Variants in MYO18B observed in about 807,000 individuals in gnomAD.
MYO18B encodes unconventional myosin-XVIIIb.
Under a neutral mutation model 273.0 loss-of-function variants are expected in MYO18B, and 204 were observed. The ratio of observed to expected loss-of-function variants is 0.75; its 90% CI spans 0.67 to 0.84. The LOEUF (loss-of-function observed/expected upper bound fraction) is 0.84. Ranked by LOEUF, MYO18B falls within the 40% of genes least tolerant of loss-of-function variation. The pLI, the probability that MYO18B is intolerant of heterozygous loss-of-function variation, is 0.00. For synonymous variants in MYO18B, 1,330 were observed against 1,305.7 expected (o/e 1.02, Z -0.40); for missense variants, 3,212 against 3,287.6 (o/e 0.98, Z 0.56).
chr22:25,776,145 A>G (rs2086906757), intron 7 of MYO18B, among the ~76,000 whole-genome samples: 3 of 152,214 alleles, frequency 2.0e-5, no homozygotes, highest in Admixed American at 2.0e-4. Flanking sequence ...TATGGTATGT[A>G]ACCTTTTGAA....
chr22:25,891,256 C>T lies in MYO18B; in HGVS notation c.4435-48C>T, dbSNP rs755517898. The T allele has an allele frequency of 5.2e-5, 70 of 1,350,436 alleles. 1 individual carries two copies. The South Asian group carries it at 6.3e-4, about 12-fold the overall frequency. The allele number at this position is 1,350,436 out of a possible 1,614,324, so 83.7% of individuals were successfully genotyped here. A position where few individuals can be genotyped will look rare whatever the true frequency, so the allele number is the denominator to read the frequency against. On this transcript the variant is annotated intron_variant, in intron 26 of 43. Transcript: ENST00000335473. ...CACTTCATGGGTAAGATGACCAGCC[C>T]ATGTCTTCTGTCCAGCTCTAGTTTA...
intron 34 of MYO18B, among the ~76,000 whole-genome samples, chr22:25,921,952 G>T (rs192251986): frequency 6.6e-6 from 1 of 151,880 alleles, no homozygotes; most frequent in Non-Finnish European, 1.5e-5. Context: ...TTATACAAAC[G>T]TTGGCAGTTT....
chr22:25,891,495 T>C, intron 27 of MYO18B, 83 bp downstream of exon 27: 1 of 896,200 alleles, frequency 1.1e-6, no homozygotes, highest in Non-Finnish European at 1.8e-6. Context: ...TAGAGCACTT[T>C]TTAGGTGCTA....
At chr22:25,889,928 G>GTA (rs1172198521) in intron 25 of MYO18B, among the ~76,000 whole-genome samples, 1 of 152,048 alleles carries the variant, frequency 6.6e-6, no homozygotes, top group African/African-American at 2.4e-5. Flanking sequence ...ATATACAACC[G>GTA]TATGATTTCC....
At chr22:25,796,455 G>T (rs546783868) in intron 11 of MYO18B, among the ~76,000 whole-genome samples, 3 of 152,042 alleles carry the variant, frequency 2.0e-5, no homozygotes, top group Admixed American at 2.0e-4. Flanking sequence ...AATCATCTGG[G>T]CATGGCAGTG....
At chr22:25,842,207 A>G (rs984357746) in intron 17 of MYO18B, among the ~76,000 whole-genome samples, 1 of 152,248 alleles carries the variant, frequency 6.6e-6, no homozygotes. Flanking sequence ...CAAGAAATGC[A>G]GGTCCTTTGT....
At chr22:25,825,643 G>A (rs2089464711) in intron 13 of MYO18B, among the ~76,000 whole-genome samples, 1 of 152,120 alleles carries the variant, frequency 6.6e-6, no homozygotes, top group South Asian at 2.1e-4. Flanking sequence ...ATCTCATTCA[G>A]TATTCTTCAT....
intron 12 of MYO18B, among the ~76,000 whole-genome samples, chr22:25,822,851 A>G (rs2089334921): frequency 1.3e-5 from 2 of 152,274 alleles, no homozygotes; most frequent in Admixed American, 1.3e-4. Flanking sequence ...ATCAGCTAAC[A>G]GAATAGAAAG....
intron 40 of MYO18B, among the ~76,000 whole-genome samples, chr22:25,995,079 T>C (rs751142641): frequency 5.3e-5 from 8 of 152,156 alleles, no homozygotes; most frequent in Non-Finnish European, 1.0e-4. Context: ...ATGTGATGCG[T>C]ATACACGATA....
intron 8 of MYO18B, 48 bp downstream of exon 8, chr22:25,777,829 G>C (rs771699016): frequency 1.3e-6 from 2 of 1,497,564 alleles, no homozygotes; most frequent in African/African-American, 1.4e-5. Flanking sequence ...AGCACGGGGA[G>C]AGTTGGAAGG....
chr22:26,063,033 C>T, the MYO18B span, among the ~76,000 whole-genome samples: 1 of 152,190 alleles, frequency 6.6e-6, no homozygotes, highest in South Asian at 2.1e-4. Context: ...AGCACTGTGC[C>T]TCTTCTTAAA....
chr22:25,807,970 A>C (rs1255469458), intron 12 of MYO18B, among the ~76,000 whole-genome samples: 1 of 152,042 alleles, frequency 6.6e-6, no homozygotes, highest in Non-Finnish European at 1.5e-5. Flanking sequence ...CCAGGCATGT[A>C]AGTAAGAGTT....
chr22:25,812,707 G>C (rs1489381779), intron 12 of MYO18B, among the ~76,000 whole-genome samples: 1 of 152,210 alleles, frequency 6.6e-6, no homozygotes, highest in African/African-American at 2.4e-5. Flanking sequence ...ATGGTTGAAA[G>C]AGCCAAGGAG....
At chr22:25,776,222 G>C (rs2086908663) in intron 7 of MYO18B, among the ~76,000 whole-genome samples, 1 of 152,208 alleles carries the variant, frequency 6.6e-6, no homozygotes, top group Non-Finnish European at 1.5e-5. Flanking sequence ...TCTACAGTTT[G>C]TTCCTTTATT....
chr22:25,958,164 C>T (rs2092876472), intron 39 of MYO18B, among the ~76,000 whole-genome samples: 1 of 152,164 alleles, frequency 6.6e-6, no homozygotes, highest in African/African-American at 2.4e-5. Context: ...ATCCACCCAC[C>T]TTGGCCTCCC....
In MYO18B at chr22:25,768,503, C is replaced by G. The variant is rs1400466116; in HGVS notation, c.587C>G (p.Ser196Cys). The change falls in exon 4 of 44, where the codon TCT becomes TGT. Residue 196 changes from serine (S) to cysteine (C), a missense_variant. By Grantham distance (112) the Ser-to-Cys change is moderately radical. Transcript: ENST00000335473. ...DTGKEKKGETSRTPCGSQAST... is the reference protein window; with the variant it reads ...DTGKEKKGETCRTPCGSQAST... ...GGAAAGGAAAAGAAAGGGGAGACCT[C>G]TAGGACTCCTTGTGGCTCCCAGGCC... 6.3e-7 allele frequency: 1 copy of G among 1,595,514 alleles called. No individual in the cohort carries two copies. The highest frequency in any genetic ancestry group is 1.1e-5 in the South Asian group (1 of 87,696).
chr22:25,817,254 CTTCT>C (rs1443043407), intron 12 of MYO18B, among the ~76,000 whole-genome samples: 2 of 150,978 alleles, frequency 1.3e-5, no homozygotes, highest in Admixed American at 6.6e-5. Flanking sequence ...CTCTTTCTTT[CTTCT>C]TTTTCTTTTT....
In MYO18B at chr22:25,946,204, A is replaced by G. The variant is rs769619175; in HGVS notation, c.5585A>G (p.Glu1862Gly). The G allele has an allele frequency of 3.2e-5, 51 of 1,584,098 alleles. No individual in the cohort carries two copies. Among genetic ancestry groups the G allele is most frequent in the Non-Finnish European group, 4.2e-5 (49 of 1,167,112 alleles). ...CAGAAGGTGCTCACAGCGGACCTGG[A>G]GAGCATGCACAGCGAGCTGGAGAAC... is the stretch of plus-strand genomic sequence containing the variant. ...KTQKVLTADL[E>G]SMHSELENMT... Residue 1862 changes from glutamate to glycine, a missense_variant, in exon 35 of 44, where the codon GAG becomes GGG. Coordinates refer to ENST00000335473, the MANE Select transcript of MYO18B (RefSeq NM_032608.7).
chr22:25,807,869 T>C (rs2088555122), intron 12 of MYO18B, among the ~76,000 whole-genome samples: 1 of 151,986 alleles, frequency 6.6e-6, no homozygotes, highest in African/African-American at 2.4e-5. Context: ...TTTCTGAGGC[T>C]CAGAAAACTG....
Sources: allele counts gnomAD v4.1 joint callset (sites outside exome capture counted in the v4.1 genomes callset), GRCh38; gene constraint gnomAD v4.1.1; transcripts MANE v1.5; gene names NCBI Gene and HGNC (gene_info 2026-07-23, HGNC 2026-07-21).